The following SOAT2 variants were observed in gnomAD, a reference collection of about 807,000 sequenced individuals.
The protein encoded by SOAT2 is sterol O-acyltransferase 2, also known as ACAT-2.
SOAT2 carries 87 observed loss-of-function variants against 76.0 expected under a neutral mutation model. That is an observed-to-expected ratio of 1.14 (90% confidence interval 0.96 to 1.37). The LOEUF (loss-of-function observed/expected upper bound fraction) is 1.37. SOAT2 is among the 40% of genes most tolerant of loss of function. The probability of loss-of-function intolerance (pLI) is 0.00; values close to 1 mark genes in which losing one functional copy is unlikely to be tolerated. For synonymous variants in SOAT2, 285 were observed against 275.4 expected (o/e 1.03, Z -0.34); for missense variants, 686 against 682.1 (o/e 1.01, Z -0.06).
At chr12:53,105,381 G>T in intron 3 of SOAT2, 138 bp downstream of exon 3, 1 of 1,255,418 alleles carries the variant, frequency 8.0e-7, no homozygotes, top group Non-Finnish European at 1.1e-6. Context: ...TCCTAACACT[G>T]ACCTCCATCT....
rs1350329583 is a variant in SOAT2 at position 53,120,825 on chromosome 12, A to G, written c.1079A>G (p.His360Arg). Residue 360 changes from histidine (H) to arginine (R), a missense_variant, in exon 11 of 15, where the codon CAT becomes CGT. By Grantham distance (29) the His-to-Arg change is conservative. Coordinates refer to ENST00000301466, the MANE Select transcript of SOAT2 (RefSeq NM_003578.4). ...MLLLIFFAFL[H>R]CWLNAFAEML... The stretch of plus-strand genomic sequence containing the variant: ...CTGCTCATCTTCTTTGCCTTCCTCC[A>G]TTGCTGGCTCAACGCCTTTGCCGAG... 6.2e-6 allele frequency: 10 copies of G among 1,613,704 alleles called. No homozygotes were observed. The highest frequency in any genetic ancestry group is 7.6e-6 in the Non-Finnish European group (9 of 1,179,928).
chr12:53,123,695 G>C (rs1938230291), intron 13 of SOAT2, 33 bp from the exon 14 acceptor site: 1 of 1,613,428 alleles, frequency 6.2e-7, no homozygotes, highest in South Asian at 1.1e-5. Context: ...GGCACTCCTG[G>C]AGCTGGAATG....
intron 5 of SOAT2, among the ~76,000 whole-genome samples, chr12:53,108,585 C>G (rs1052434490): frequency 1.3e-5 from 2 of 152,150 alleles, no homozygotes; most frequent in African/African-American, 4.8e-5. Context: ...GTTTCCTTGA[C>G]TCTGCAAAGC....
In SOAT2 at chr12:53,119,133, T is replaced by C. The variant is rs568610358; in HGVS notation, c.919T>C (p.Cys307Arg). 6.2e-7 allele frequency: 1 copy of C among 1,613,834 alleles called. No individual in the cohort carries two copies. Among genetic ancestry groups the C allele is most frequent in the South Asian group, 1.1e-5 (1 of 91,078 alleles). The change falls in exon 10 of 15, where the codon TGT (cysteine) becomes CGT (arginine). Residue 307 changes from cysteine to arginine, a missense_variant. Coordinates refer to ENST00000301466, the MANE Select transcript of SOAT2 (RefSeq NM_003578.4). Reference protein sequence around the residue: ...VAKNFAQALGCVLYACFILGR... With the variant: ...VAKNFAQALGRVLYACFILGR... ...CCCATGCCCCCTCCAGGCCCTGGGA[T>C]GTGTGCTCTATGCCTGCTTCATCCT...
At position 53,105,389 on chromosome 12, in the gene SOAT2, T is replaced by C. The variant is rs1427634224; in HGVS notation, c.275+146T>C. On this transcript the variant is annotated intron_variant, in intron 3 of 14. Transcript: ENST00000301466. ...CTTGTCTTCCTAACACTGACCTCCA[T>C]CTACTGGGCCTCGCTCTGCCCTGGC... 9 of 1,237,182 alleles carry C rather than the reference T, an allele frequency of 7.3e-6. No homozygotes were observed. In the East Asian group the frequency reaches 1.5e-4, roughly 21 times the overall value. 76.6% of individuals were successfully genotyped at this position (1,237,182 alleles called of 1,614,324 possible). A position where few individuals can be genotyped will look rare whatever the true frequency, so the allele number is the denominator to read the frequency against.
intron 5 of SOAT2, among the ~76,000 whole-genome samples, chr12:53,112,913 G>A (rs375054772): frequency 8.6e-4 from 131 of 151,586 alleles, no homozygotes; most frequent in African/African-American, 3.0e-3. Flanking sequence ...CCAAGTAGCT[G>A]GGATTACAGA....
rs559032880 is a variant in SOAT2 at position 53,123,308 on chromosome 12, C to T, written c.1372+92C>T. ...ATCCCAGACTGATGGTGGGAGGCCT[C>T]GCCCCCAGGCCTGGAGGCAAGGCTG... On this transcript the variant is annotated intron_variant, in intron 13 of 14. Coordinates refer to ENST00000301466, the MANE Select transcript of SOAT2 (RefSeq NM_003578.4). 71 of 1,498,616 alleles carry T rather than the reference C, an allele frequency of 4.7e-5. No homozygotes were observed. In the East Asian group the frequency reaches 7.3e-4, roughly 15 times the overall value. The allele number at this position is 1,498,616 out of a possible 1,614,324, so 92.8% of individuals were successfully genotyped here.
intron 7 of SOAT2, among the ~76,000 whole-genome samples, chr12:53,117,262 ATTT>A (rs34151150): frequency 2.8e-5 from 3 of 109,032 alleles, no homozygotes; most frequent in African/African-American, 4.0e-5. Flanking sequence ...CGCCCGGCCA[ATTT>A]TTTTTTTTTT....
At chr12:53,104,059 A>T in intron 1 of SOAT2, 92 bp from the exon 2 acceptor site, 1 of 1,056,350 alleles carries the variant, frequency 9.5e-7, no homozygotes, top group African/African-American at 1.6e-5. Context: ...GCAGCTGCTG[A>T]GCACACAAAG....
chr12:53,120,265 C>T (rs1193938837), intron 10 of SOAT2, among the ~76,000 whole-genome samples: 3 of 152,068 alleles, frequency 2.0e-5, no homozygotes, highest in Non-Finnish European at 4.4e-5. Context: ...GTCAGGAGAT[C>T]AAGACCATCC....
At chr12:53,121,793 C>CT (rs56848843) in intron 12 of SOAT2, among the ~76,000 whole-genome samples, 678 of 56,862 alleles carry the variant, frequency 0.012, 211 homozygotes, top group African/African-American at 0.022. Flanking sequence ...TAGTAGCATG[C>CT]TTTTTTTTTT....
In SOAT2 at chr12:53,105,920, G is replaced by T; in HGVS notation, c.349G>T (p.Val117Leu). 6.6e-7 allele frequency: 1 copy of T among 1,506,444 alleles called. No homozygotes were observed. Among genetic ancestry groups the T allele is most frequent in the Non-Finnish European group, 8.8e-7 (1 of 1,135,720 alleles). The allele number at this position is 1,506,444 out of a possible 1,614,324, so 93.3% of individuals were successfully genotyped here. ...RKSLLDELME[V>L]QHFRTIYHMF... ...CTGTCCCTCTAGTGAGCTGATGGAG[G>T]TGCAGCATTTCCGCACCATCTACCA... The change falls in exon 5 of 15, where the codon GTG becomes TTG. Residue 117 changes from valine (V) to leucine (L), a missense_variant. Val to Leu is a conservative substitution (Grantham distance 32). Coordinates refer to ENST00000301466, the MANE Select transcript of SOAT2 (RefSeq NM_003578.4).
At position 53,104,132 on chromosome 12, in the gene SOAT2, C is replaced by T. The variant is rs780507227; in HGVS notation, c.83-19C>T. The T allele has an allele frequency of 6.2e-7, 1 of 1,611,420 alleles. No individual in the cohort carries two copies. On this transcript the variant is annotated intron_variant, in intron 1 of 14. Transcript: ENST00000301466. Reference sequence around the variant, plus strand: ...CCCCAATTCCTCCTGTTGACTGTGCCTTTGATCCCTCCTCACAGGAAACAC... The same window carrying T: ...CCCCAATTCCTCCTGTTGACTGTGCTTTTGATCCCTCCTCACAGGAAACAC...
At chr12:53,116,193 GA>G in intron 7 of SOAT2, 27 bp downstream of exon 7, 1 of 1,598,958 alleles carries the variant, frequency 6.3e-7, no homozygotes, top group Non-Finnish European at 8.6e-7. Context: ...GCCCGGTTGT[GA>G]ACTCAGTCCT....
intron 10 of SOAT2, among the ~76,000 whole-genome samples, chr12:53,120,259 G>A (rs1350515966): frequency 1.3e-5 from 2 of 152,180 alleles, no homozygotes; most frequent in East Asian, 3.8e-4. Flanking sequence ...CACGAGGTCA[G>A]GAGATCAAGA....
intron 5 of SOAT2, among the ~76,000 whole-genome samples, chr12:53,111,106 G>A (rs1358510837): frequency 7.3e-6 from 1 of 136,702 alleles, no homozygotes; most frequent in Admixed American, 6.9e-5. Flanking sequence ...TTAATCATTT[G>A]CCTACATTTT....
In SOAT2 at chr12:53,115,621, G is replaced by A. The variant is rs201049699; in HGVS notation, c.675G>A (p.Pro225=). Residue 225 remains proline (P), a synonymous_variant, in exon 6 of 15, where the codon CCG becomes CCA. Coordinates refer to ENST00000301466, the MANE Select transcript of SOAT2 (RefSeq NM_003578.4). ...ACGTGGCCGTGGAGCATCAGCTCCC[G>A]CCGGCCTCCCGTTGTGTCCTGGTCT... ...PVHVAVEHQL[P]PASRCVLVFE... 425 of 1,559,300 alleles carry A rather than the reference G, an allele frequency of 2.7e-4. No individual in the cohort carries two copies. The African/African-American group carries it at 4.7e-3, about 17-fold the overall frequency.
intron 10 of SOAT2, 99 bp downstream of exon 10, chr12:53,119,352 C>A (rs1320675266): frequency 1.5e-6 from 2 of 1,314,364 alleles, no homozygotes; most frequent in East Asian, 4.9e-5. Context: ...ACACGTTCTC[C>A]TTCTGAGTCT....
rs1159061901 is a variant in SOAT2, at chr12:53,123,793, A to AT, written c.1439dup (p.Met480IlefsTer78). 1 of 1,614,170 alleles carries AT rather than the reference A, an allele frequency of 6.2e-7. No individual in the cohort carries two copies. The highest frequency in any genetic ancestry group is 8.5e-7 in the Non-Finnish European group (1 of 1,180,036). On this transcript the variant is annotated frameshift_variant, in exon 14 of 15. Coordinates refer to ENST00000301466, the MANE Select transcript of SOAT2 (RefSeq NM_003578.4). LOFTEE classifies it high-confidence loss of function. ...GGCATGGAACGTGCTGATGTGGACC[A>AT]TGCTGTTTCTAGGCCAGGGAATCCA...
Sources: allele counts gnomAD v4.1 joint callset (sites outside exome capture counted in the v4.1 genomes callset), GRCh38; gene constraint gnomAD v4.1.1; transcripts MANE v1.5; gene names NCBI Gene and HGNC (gene_info 2026-07-23, HGNC 2026-07-21).